The following ADAM23 variants were observed in gnomAD, a reference collection of about 807,000 sequenced individuals.
ADAM23 encodes ADAM metallopeptidase domain 23.
A neutral mutation model predicts 120.1 loss-of-function variants in ADAM23; 33 were observed. That is an observed-to-expected ratio of 0.27 (90% CI 0.21 to 0.37). ADAM23 has a LOEUF of 0.37. Ranked by LOEUF, ADAM23 falls within the 10% of genes least tolerant of loss-of-function variation. The pLI is 1.00. For synonymous variants in ADAM23, 367 were observed against 375.2 expected, an observed-to-expected ratio of 0.98 and a Z score of 0.25; for missense variants, 862 against 1,058.2, an observed-to-expected ratio of 0.81 and a Z score of 2.57.
At chr2:206,556,367 G>A (rs1239601992) in intron 9 of ADAM23, among the ~76,000 whole-genome samples, 1 of 152,106 alleles carries the variant, frequency 6.6e-6, no homozygotes, top group East Asian at 1.9e-4. Context: ...GTGCGAATGG[G>A]CAAAGGACAA....
At chr2:206,617,467 T>G in intron 25 of ADAM23, 112 bp from the exon 26 acceptor site, 1 of 1,213,184 alleles carries the variant, frequency 8.2e-7, no homozygotes, top group Non-Finnish European at 1.1e-6. Flanking sequence ...TTAATTACTT[T>G]GCTCTGGAAC....
At chr2:206,483,147 TACTTTC>T (rs1393618614) in intron 3 of ADAM23, among the ~76,000 whole-genome samples, 22 of 152,188 alleles carry the variant, frequency 1.4e-4, no homozygotes, top group African/African-American at 5.3e-4. Context: ...GGAGAGGGAA[TACTTTC>T]AATAAATCTG....
chr2:206,536,216 C>A (rs533027202), intron 4 of ADAM23, among the ~76,000 whole-genome samples: 2 of 150,896 alleles, frequency 1.3e-5, no homozygotes, highest in Admixed American at 6.6e-5. Context: ...TATTCCATTG[C>A]GTGTGTGTTT....
intron 3 of ADAM23, among the ~76,000 whole-genome samples, chr2:206,496,944 T>C (rs1203491324): frequency 6.6e-6 from 1 of 152,180 alleles, no homozygotes; most frequent in Non-Finnish European, 1.5e-5. Context: ...CTCCCAAGAC[T>C]AAACCAGGAA....
intron 3 of ADAM23, among the ~76,000 whole-genome samples, chr2:206,506,529 C>T (rs569996345): frequency 3.3e-5 from 5 of 152,234 alleles, no homozygotes; most frequent in Non-Finnish European, 5.9e-5. Flanking sequence ...CACCTACTCA[C>T]ACTACAGGCT....
intron 3 of ADAM23, among the ~76,000 whole-genome samples, chr2:206,495,670 T>C (rs1696229376): frequency 6.6e-6 from 1 of 152,150 alleles, no homozygotes; most frequent in East Asian, 1.9e-4. Flanking sequence ...TAAATATAAA[T>C]GGGCTAAATG....
intron 3 of ADAM23, among the ~76,000 whole-genome samples, chr2:206,517,197 C>T (rs1696752751): frequency 6.6e-6 from 1 of 152,134 alleles, no homozygotes. Context: ...CTTTCAGCCT[C>T]ACATTCCCAG....
chr2:206,549,454 A>G (rs572612687), intron 8 of ADAM23, among the ~76,000 whole-genome samples: 1 of 152,122 alleles, frequency 6.6e-6, no homozygotes, highest in South Asian at 2.1e-4. Context: ...TGAAAAAGAA[A>G]TAAAAGTCCA....
chr2:206,608,689 C>G (rs144938329), intron 24 of ADAM23, among the ~76,000 whole-genome samples: 2 of 152,162 alleles, frequency 1.3e-5, no homozygotes, highest in African/African-American at 4.8e-5. Context: ...CACCCCGAGA[C>G]TGTATTGCAG....
Position 206,513,468 on chromosome 2 carries a change from G to A in ADAM23, c.510-17417G>A, listed in dbSNP as rs116272772. 4.8e-3 allele frequency among the ~76,000 whole-genome samples: 728 copies of A among 152,288 alleles called. 13 individuals carry two copies. The highest frequency in any genetic ancestry group is 0.017 in the African/African-American group (692 of 41,560). On this transcript the variant is annotated intron_variant, in intron 3 of 25. Coordinates refer to ENST00000264377, the MANE Select transcript of ADAM23 (RefSeq NM_003812.4). The stretch of plus-strand genomic sequence containing the variant: ...ATCTCCCCTCAATTTTATGAAGACA[G>A]AGAGAGATGAAAAAGCTGCAGAAGA...
At chr2:206,569,937 A>G (rs1292430041) in intron 15 of ADAM23, among the ~76,000 whole-genome samples, 1 of 152,028 alleles carries the variant, frequency 6.6e-6, no homozygotes, top group African/African-American at 2.4e-5. Context: ...TTTGGGTTGG[A>G]GTGTGCTGCT....
intron 2 of ADAM23, among the ~76,000 whole-genome samples, chr2:206,461,796 A>T (rs1251867285): frequency 6.6e-6 from 1 of 152,160 alleles, no homozygotes; most frequent in African/African-American, 2.4e-5. Context: ...ATTGTTTGTT[A>T]TTCCAAATCA....
intron 14 of ADAM23, among the ~76,000 whole-genome samples, chr2:206,566,352 A>G (rs1456871984): frequency 6.6e-6 from 1 of 152,164 alleles, no homozygotes; most frequent in African/African-American, 2.4e-5. Flanking sequence ...AACTACCTTC[A>G]TACATCAGAA....
intron 18 of ADAM23, among the ~76,000 whole-genome samples, chr2:206,582,651 C>T (rs951087280): frequency 2.0e-5 from 3 of 151,794 alleles, no homozygotes; most frequent in South Asian, 4.2e-4. Flanking sequence ...TTTTATAGAT[C>T]CTGTGTGATT....
chr2:206,498,325 A>G (rs1696304165), intron 3 of ADAM23, among the ~76,000 whole-genome samples: 1 of 152,210 alleles, frequency 6.6e-6, no homozygotes, highest in Non-Finnish European at 1.5e-5. Flanking sequence ...GGAACAGAAC[A>G]GAGCCCTCAG....
At chr2:206,602,140 G>T (rs1006150454) in intron 24 of ADAM23, among the ~76,000 whole-genome samples, 3 of 152,142 alleles carry the variant, frequency 2.0e-5, no homozygotes, top group African/African-American at 7.2e-5. Context: ...TTATGCTCAT[G>T]TATAATTATG....
chr2:206,563,943 T>G (rs1697823533), intron 13 of ADAM23, among the ~76,000 whole-genome samples: 1 of 151,876 alleles, frequency 6.6e-6, no homozygotes, highest in Admixed American at 6.6e-5. Flanking sequence ...TGTTAGCCAG[T>G]ATGGTCTCGA....
At chr2:206,512,169 C>G (rs1696636400) in intron 3 of ADAM23, among the ~76,000 whole-genome samples, 1 of 152,152 alleles carries the variant, frequency 6.6e-6, no homozygotes, top group Admixed American at 6.5e-5. Flanking sequence ...AACTGATAGC[C>G]ACATGCTTAT....
At chr2:206,523,703 AAAG>A in intron 3 of ADAM23, among the ~76,000 whole-genome samples, 1 of 152,302 alleles carries the variant, frequency 6.6e-6, no homozygotes, top group South Asian at 2.1e-4. Context: ...TACAAAAAGA[AAAG>A]AAATATAAGA....
Sources: gnomAD v4.1 joint callset for allele counts (sites outside exome capture counted in the v4.1 genomes callset) on GRCh38, gnomAD v4.1.1 for gene constraint, MANE v1.5 for transcripts, NCBI Gene and HGNC (gene_info 2026-07-23, HGNC 2026-07-21) for gene names.